XRCC5: variants seen among roughly 807,000 people sequenced by gnomAD.
The protein encoded by XRCC5 is X-ray repair cross complementing 5.
XRCC5 carries 12 observed loss-of-function variants against 95.7 expected under a neutral mutation model. That is an observed-to-expected ratio of 0.13 (90% CI 0.08 to 0.20). The LOEUF is 0.20. Ranked by LOEUF, XRCC5 falls within the 10% of genes least tolerant of loss-of-function variation. The pLI is 1.00. For synonymous variants in XRCC5, 281 were observed against 290.3 expected (o/e 0.97, Z 0.33); for missense variants, 595 against 873.9 (o/e 0.68, Z 4.02).
At chr2:216,186,820 C>T (rs1689500995) in intron 16 of XRCC5, among the ~76,000 whole-genome samples, 1 of 152,196 alleles carries the variant, frequency 6.6e-6, no homozygotes, top group Admixed American at 6.5e-5. Flanking sequence ...CCCTGATGAT[C>T]AGCATTTCCT....
chr2:216,156,857 C>A, intron 14 of XRCC5: 3 of 367,678 alleles, frequency 8.2e-6, no homozygotes, highest in South Asian at 2.3e-5. Flanking sequence ...CAGTGGGTGC[C>A]GCAAATGCTG....
chr2:216,123,152 T>C (rs1696840317), intron 6 of XRCC5, among the ~76,000 whole-genome samples: 1 of 152,238 alleles, frequency 6.6e-6, no homozygotes, highest in Non-Finnish European at 1.5e-5. Context: ...CACAAAATAC[T>C]GGCTGTTTAA....
In XRCC5 at chr2:216,111,995, C is replaced by T. The variant is rs41296916; in HGVS notation, c.22-1021C>T. Reference sequence around the variant, plus strand: ...GTTGATACAGACCAACATATTTAGGCGATGAAGTAAGATAGGTGTGGGGAA... The same window carrying T: ...GTTGATACAGACCAACATATTTAGGTGATGAAGTAAGATAGGTGTGGGGAA... On this transcript the variant is annotated intron_variant, in intron 1 of 20. Transcript: ENST00000392132. Among the ~76,000 whole-genome samples, 883 of 152,188 alleles carry T rather than the reference C, an allele frequency of 5.8e-3. 11 individuals are homozygous for T. The highest frequency in any genetic ancestry group is 0.02 in the African/African-American group (816 of 41,534).
intron 12 of XRCC5, 133 bp from the exon 13 acceptor site, chr2:216,141,053 G>A: frequency 1.0e-6 from 1 of 1,001,904 alleles, no homozygotes; most frequent in South Asian, 1.8e-5. Context: ...TACGTGCATA[G>A]CTAGAGAATA....
chr2:216,114,468 CT>C (rs1226615410), intron 2 of XRCC5, among the ~76,000 whole-genome samples: 1 of 151,958 alleles, frequency 6.6e-6, no homozygotes, highest in Non-Finnish European at 1.5e-5. Context: ...TGGCTGTCCC[CT>C]GGTATGCTGT....
chr2:216,148,381 G>GCTTCTTCCTCTCACCTT, intron 14 of XRCC5, 105 bp downstream of exon 14: 2 of 1,067,400 alleles, frequency 1.9e-6, no homozygotes, highest in Non-Finnish European at 2.7e-6. Context: ...AATTTAAAAG[G>GCTTCTTCCTCTCACCTT]TGAGAGGAAG....
chr2:216,172,317 A>G (rs942210304), intron 16 of XRCC5, among the ~76,000 whole-genome samples: 16 of 152,184 alleles, frequency 1.1e-4, no homozygotes, highest in African/African-American at 3.4e-4. Context: ...CTAAAAAGTT[A>G]ATACAAAGGG....
intron 14 of XRCC5, among the ~76,000 whole-genome samples, chr2:216,150,631 A>G (rs1223396871): frequency 6.6e-6 from 1 of 152,170 alleles, no homozygotes; most frequent in Admixed American, 6.5e-5. Context: ...GTATCTAATG[A>G]TAGATGCCTA....
At chr2:216,154,835 CA>C (rs778110439) in intron 14 of XRCC5, among the ~76,000 whole-genome samples, 1 of 152,098 alleles carries the variant, frequency 6.6e-6, no homozygotes, top group Non-Finnish European at 1.5e-5. Flanking sequence ...TTATCCCCAG[CA>C]TAAGGTCAAA....
intron 13 of XRCC5, among the ~76,000 whole-genome samples, chr2:216,141,610 G>A (rs1697174055): frequency 7.4e-6 from 1 of 135,426 alleles, no homozygotes; most frequent in South Asian, 2.2e-4. Context: ...AGGAAGGCCA[G>A]TTGCCTATGC....
At position 216,205,424 on chromosome 2, in the gene XRCC5, ATTTT is replaced by A; in HGVS notation, c.*223_*226del. 1.8e-6 allele frequency: 1 copy of A among 550,076 alleles called. No homozygotes were observed. The highest frequency in any genetic ancestry group is 3.2e-6 in the Non-Finnish European group (1 of 309,594). 34.1% of individuals were successfully genotyped at this position (550,076 alleles called of 1,614,324 possible). On this transcript the variant is annotated 3_prime_UTR_variant, in exon 21 of 21. Transcript: ENST00000392132. ...TACAAGTTTATAAAGAGTCATTGTTATTTTCTGGTTGGTGTATTATTTTTTCTGT... is the reference window on the plus strand; with the variant it reads ...TACAAGTTTATAAAGAGTCATTGTTACTGGTTGGTGTATTATTTTTTCTGT...
intron 14 of XRCC5, 85 bp downstream of exon 14, chr2:216,148,361 G>A: frequency 1.6e-6 from 2 of 1,275,860 alleles, no homozygotes; most frequent in South Asian, 3.1e-5. Context: ...TGTCACATAG[G>A]GGTCTATGGA....
At chr2:216,154,355 A>T (rs1322708655) in intron 14 of XRCC5, among the ~76,000 whole-genome samples, 1 of 152,224 alleles carries the variant, frequency 6.6e-6, no homozygotes, top group African/African-American at 2.4e-5. Context: ...TAGCTAACTC[A>T]TAGGGTTGTT....
intron 2 of XRCC5, among the ~76,000 whole-genome samples, chr2:216,116,408 A>G (rs1476087771): frequency 1.3e-5 from 2 of 152,170 alleles, no homozygotes; most frequent in African/African-American, 4.8e-5. Context: ...AAGAACACTT[A>G]CTACCCTCCT....
Position 216,109,447 on chromosome 2 carries a change from C to G in XRCC5, c.11C>G (p.Ser4Trp). ...CTGAGGACCGGCAACATGGTGCGGT[C>G]GGGGAATAAGGTATAAAGAAAGCCA... MVR[S>W]GNKAAVVLCM... is the part of the protein sequence containing the mutation. The change falls in exon 1 of 21, where the codon TCG becomes TGG. Residue 4 changes from serine (S) to tryptophan (W), a missense_variant. Transcript: ENST00000392132. The G allele has an allele frequency of 6.2e-7, 1 of 1,613,928 alleles. No individual in the cohort carries two copies. Among genetic ancestry groups the G allele is most frequent in the Non-Finnish European group, 8.5e-7 (1 of 1,179,930 alleles).
rs934447261 is a variant in XRCC5 at position 216,190,563 on chromosome 2, G to A, written c.1944+229G>A. Among the ~76,000 whole-genome samples, 3 of 152,120 alleles carry A rather than the reference G, an allele frequency of 2.0e-5. No homozygotes were observed. The South Asian group carries it at 6.2e-4, about 32-fold the overall frequency. On this transcript the variant is annotated intron_variant, in intron 17 of 20. Coordinates refer to ENST00000392132, the MANE Select transcript of XRCC5 (RefSeq NM_021141.4). ...GTAGGGTGTTTTATCCCTGAAAGTTGGCTTTTTATTGTACTGAAGACCTGG... is the reference window on the plus strand; with the variant it reads ...GTAGGGTGTTTTATCCCTGAAAGTTAGCTTTTTATTGTACTGAAGACCTGG...
intron 16 of XRCC5, among the ~76,000 whole-genome samples, chr2:216,174,446 CAA>C (rs757207515): frequency 5.3e-5 from 8 of 152,232 alleles, no homozygotes; most frequent in Non-Finnish European, 1.0e-4. Flanking sequence ...TTTGTTAACT[CAA>C]AAGAAAATAC....
rs998819375 is a variant in XRCC5 at position 216,157,871 on chromosome 2, C to G, written c.1671-2197C>G. On this transcript the variant is annotated intron_variant, in intron 14 of 20. Transcript: ENST00000392132. ...GTGTATAAATTTCTACTTTCTAGAG[C>G]TTAGCGCCTTCATAGATAATTTAGG... Among the ~76,000 whole-genome samples, 5 of 152,306 alleles carry G rather than the reference C, an allele frequency of 3.3e-5. No individual in the cohort carries two copies. In the East Asian group the frequency reaches 9.6e-4, roughly 29 times the overall value.
intron 16 of XRCC5, among the ~76,000 whole-genome samples, chr2:216,171,612 A>G (rs1163470113): frequency 6.6e-6 from 1 of 152,246 alleles, no homozygotes; most frequent in African/African-American, 2.4e-5. Flanking sequence ...GCTCAGCCAT[A>G]ACACTCAGGA....
Sources: allele counts gnomAD v4.1 joint callset (sites outside exome capture counted in the v4.1 genomes callset), GRCh38; gene constraint gnomAD v4.1.1; transcripts MANE v1.5; gene names NCBI Gene and HGNC (gene_info 2026-07-23, HGNC 2026-07-21).